Variants in CENPK observed in about 807,000 individuals in gnomAD.
CENPK encodes the protein SoxLZ/Sox6-binding protein Solt.
A neutral mutation model predicts 40.9 loss-of-function variants in CENPK; 46 were observed. The ratio of observed to expected loss-of-function variants is 1.13; its 90% CI spans 0.89 to 1.44. The LOEUF is 1.44. Ranked by LOEUF, CENPK falls within the 40% of genes most tolerant of loss-of-function variation. CENPK has a pLI of 0.00. For synonymous variants in CENPK, 107 were observed against 104.4 expected, an observed-to-expected ratio of 1.02 and a Z score of -0.15; for missense variants, 288 against 303.5, an observed-to-expected ratio of 0.95 and a Z score of 0.38.
At chr5:65,555,798 C>T (rs1750875221) in intron 2 of CENPK, among the ~76,000 whole-genome samples, 1 of 152,176 alleles carries the variant, frequency 6.6e-6, no homozygotes, top group South Asian at 2.1e-4. Flanking sequence ...GTAAAAGAAA[C>T]AGATTTGGCA....
rs1172936444 is a variant in CENPK, at chr5:65,554,915, T to G, written c.-8A>C. 6.7e-7 allele frequency: 1 copy of G among 1,496,672 alleles called. No individual in the cohort carries two copies. Among genetic ancestry groups the G allele is most frequent in the Admixed American group, 1.8e-5 (1 of 56,462 alleles). 92.7% of individuals were successfully genotyped at this position (1,496,672 alleles called of 1,614,324 possible). A position where few individuals can be genotyped will look rare whatever the true frequency, so the allele number is the denominator to read the frequency against. The stretch of plus-strand genomic sequence containing the variant: ...TAGATCCTCCTGATTCATTGATATA[T>G]GCTTTGTGAATTTTTAGCCTTATAA... On this transcript the variant is annotated 5_prime_UTR_variant, in exon 3 of 11. Transcript: ENST00000396679.
chr5:65,523,931 T>TA (rs986597511), intron 9 of CENPK, among the ~76,000 whole-genome samples: 104 of 151,000 alleles, frequency 6.9e-4, no homozygotes, highest in Non-Finnish European at 1.2e-3. Context: ...ACTTGAGATT[T>TA]AAAAAAAAAA....
rs776439576 is a variant in CENPK at position 65,554,951 on chromosome 5, A to G, written c.-39-5T>C. ...TTTTTAGCCTTATAAGAAAAACTAA[A>G]GCAAAAAATATTTATTCATTCAGCA... On this transcript the variant is annotated splice_region_variant and splice_polypyrimidine_tract_variant and intron_variant, in intron 2 of 10. Transcript: ENST00000396679. 3 of 1,121,238 alleles carry G rather than the reference A, an allele frequency of 2.7e-6. No individual in the cohort carries two copies. The highest frequency in any genetic ancestry group is 4.1e-6 in the Non-Finnish European group (3 of 738,898). 69.5% of individuals were successfully genotyped at this position (1,121,238 alleles called of 1,614,324 possible).
the CENPK span, among the ~76,000 whole-genome samples, chr5:65,512,664 A>G: frequency 3.9e-5 from 6 of 152,366 alleles, no homozygotes; most frequent in Admixed American, 1.3e-4. Flanking sequence ...TTTTACATGT[A>G]CGGGGAAATC....
chr5:65,526,384 A>G (rs1432219900), intron 9 of CENPK, among the ~76,000 whole-genome samples: 1 of 152,242 alleles, frequency 6.6e-6, no homozygotes, highest in Non-Finnish European at 1.5e-5. Context: ...AATGGAAGAC[A>G]CAGCCCATAA....
downstream of CENPK, among the ~76,000 whole-genome samples, chr5:65,516,137 A>C (rs1011383467): frequency 7.2e-5 from 11 of 152,178 alleles, no homozygotes; most frequent in Non-Finnish European, 1.3e-4. Context: ...GGGCTTCAAC[A>C]TATAAATCTG....
intron 3 of CENPK, among the ~76,000 whole-genome samples, chr5:65,553,298 T>C (rs1441542156): frequency 6.6e-6 from 1 of 151,260 alleles, no homozygotes; most frequent in Non-Finnish European, 1.5e-5. Flanking sequence ...TGAACTACAC[T>C]GGAAGAAGAA....
chr5:65,528,084 A>G (rs1366720152), intron 9 of CENPK, among the ~76,000 whole-genome samples: 1 of 151,992 alleles, frequency 6.6e-6, no homozygotes, highest in African/African-American at 2.4e-5. Context: ...TACTACAAAT[A>G]CAAAAAATCA....
intron 9 of CENPK, among the ~76,000 whole-genome samples, chr5:65,527,741 A>G (rs1298191671): frequency 6.6e-6 from 1 of 152,006 alleles, no homozygotes; most frequent in East Asian, 1.9e-4. Context: ...AATTGTGAAA[A>G]GCAAAAAACC....
chr5:65,505,953 C>T, the CENPK span, among the ~76,000 whole-genome samples: 1 of 152,340 alleles, frequency 6.6e-6, no homozygotes, highest in South Asian at 2.1e-4. Context: ...TTCTCACTGA[C>T]TCTAGCCAGT....
chr5:65,539,742 A>C (rs553230719), intron 6 of CENPK, among the ~76,000 whole-genome samples: 1 of 152,220 alleles, frequency 6.6e-6, no homozygotes, highest in South Asian at 2.1e-4. Flanking sequence ...GACTGAGGTC[A>C]TAAGCTCAAG....
At chr5:65,511,002 T>C in the CENPK span, among the ~76,000 whole-genome samples, 1 of 152,154 alleles carries the variant, frequency 6.6e-6, no homozygotes, top group African/African-American at 2.4e-5. Flanking sequence ...ACTTCCTGGC[T>C]CAGTAACTGT....
chr5:65,553,080 T>C (rs934655221), intron 3 of CENPK, among the ~76,000 whole-genome samples: 3 of 152,002 alleles, frequency 2.0e-5, no homozygotes, highest in African/African-American at 7.2e-5. Context: ...CAAACTTCTA[T>C]ACTGAAAAAA....
intron 6 of CENPK, among the ~76,000 whole-genome samples, chr5:65,533,535 C>G (rs990224709): frequency 3.3e-5 from 5 of 151,836 alleles, no homozygotes; most frequent in African/African-American, 1.2e-4. Context: ...TCCATTCTTA[C>G]CGTTTCTATT....
rs1313487734 is a variant in CENPK, at chr5:65,563,167, G to T, written c.-211C>A. 2.7e-6 allele frequency: 3 copies of T among 1,108,294 alleles called. No individual in the cohort carries two copies. Among genetic ancestry groups the T allele is most frequent in the Non-Finnish European group, 3.8e-6 (3 of 790,404 alleles). 68.7% of individuals were successfully genotyped at this position (1,108,294 alleles called of 1,614,324 possible). A position where few individuals can be genotyped will look rare whatever the true frequency, so the allele number is the denominator to read the frequency against. Reference sequence around the variant, plus strand: ...AAGCGCTTGCCAGCCCCGGACTTCTGCGCGCGCTGCATGCCCATTGGATGT... The same window carrying T: ...AAGCGCTTGCCAGCCCCGGACTTCTTCGCGCGCTGCATGCCCATTGGATGT... On this transcript the variant is annotated 5_prime_UTR_variant, in exon 1 of 11. Coordinates refer to ENST00000396679, the MANE Select transcript of CENPK (RefSeq NM_022145.5).
chr5:65,538,804 T>C (rs550092144), intron 6 of CENPK, among the ~76,000 whole-genome samples: 2 of 152,324 alleles, frequency 1.3e-5, no homozygotes, highest in Admixed American at 6.5e-5. Flanking sequence ...CTCCATATCA[T>C]ATACTTCCGG....
intron 6 of CENPK, among the ~76,000 whole-genome samples, chr5:65,534,331 TTCAA>T (rs776992991): frequency 4.2e-4 from 64 of 152,278 alleles, no homozygotes; most frequent in Non-Finnish European, 7.1e-4. Flanking sequence ...TCAGGGAAAT[TTCAA>T]TCAAAGTTCC....
intron 6 of CENPK, among the ~76,000 whole-genome samples, chr5:65,535,190 C>T (rs1746638653): frequency 6.6e-6 from 1 of 152,122 alleles, no homozygotes; most frequent in African/African-American, 2.4e-5. Context: ...TGAGATGATG[C>T]CACTGCAGTG....
chr5:65,552,452 T>C (rs756870907), intron 4 of CENPK, 41 bp downstream of exon 4: 1 of 1,287,372 alleles, frequency 7.8e-7, no homozygotes, highest in South Asian at 1.4e-5. Flanking sequence ...TACAATTAAT[T>C]CCACTTACCT....
Sources: allele counts gnomAD v4.1 joint callset (sites outside exome capture counted in the v4.1 genomes callset), GRCh38; gene constraint gnomAD v4.1.1; transcripts MANE v1.5; gene names NCBI Gene and HGNC (gene_info 2026-07-23, HGNC 2026-07-21).